ECT2: variants seen among roughly 807,000 people sequenced by gnomAD.
ECT2 encodes epithelial cell transforming 2, also known as protein ECT2.
In ECT2, 61 loss-of-function variants were observed where a neutral mutation model predicts 116.9. That is an observed-to-expected ratio of 0.52 (90% CI 0.42 to 0.65). ECT2 has a LOEUF of 0.65. Ranked by LOEUF, ECT2 falls within the 30% of genes least tolerant of loss-of-function variation. ECT2 has a pLI of 0.00. For missense variants in ECT2, 937 were observed against 1,078.7 expected, an observed-to-expected ratio of 0.87 and a Z score of 1.84; for synonymous variants, 358 against 346.4, an observed-to-expected ratio of 1.03 and a Z score of -0.37.
intron 20 of ECT2, among the ~76,000 whole-genome samples, chr3:172,803,233 AAATGC>A (rs1331307170): frequency 1.3e-5 from 2 of 152,200 alleles, no homozygotes; most frequent in Non-Finnish European, 2.9e-5. Flanking sequence ...CCATGCAAAT[AAATGC>A]TTAGGTCAAG....
At chr3:172,806,886 A>G (rs988035617) in intron 21 of ECT2, among the ~76,000 whole-genome samples, 1 of 151,532 alleles carries the variant, frequency 6.6e-6, no homozygotes, top group African/African-American at 2.4e-5. Flanking sequence ...CAAGTGATCC[A>G]CCCACTTCGG....
At chr3:172,780,617 G>C (rs1722528026) in intron 14 of ECT2, among the ~76,000 whole-genome samples, 1 of 152,128 alleles carries the variant, frequency 6.6e-6, no homozygotes, top group African/African-American at 2.4e-5. Flanking sequence ...GGTCTCAAGT[G>C]GTCCTCCCAC....
intron 22 of ECT2, among the ~76,000 whole-genome samples, chr3:172,812,777 A>T (rs1472432368): frequency 6.6e-6 from 1 of 152,184 alleles, no homozygotes; most frequent in African/African-American, 2.4e-5. Flanking sequence ...TCTTATGGAC[A>T]TAAGAAATTC....
chr3:172,777,131 C>G (rs1472102197), intron 14 of ECT2, among the ~76,000 whole-genome samples: 1 of 152,162 alleles, frequency 6.6e-6, no homozygotes, highest in Non-Finnish European at 1.5e-5. Flanking sequence ...CTCTGCCTCT[C>G]ACAGTGCTTA....
intron 18 of ECT2, among the ~76,000 whole-genome samples, chr3:172,793,454 A>G (rs1159583966): frequency 6.8e-6 from 1 of 146,396 alleles, no homozygotes; most frequent in African/African-American, 2.6e-5. Context: ...CGCCCAGCCT[A>G]TTTTTTACTT....
chr3:172,772,987 C>T (rs1011260369), intron 13 of ECT2, among the ~76,000 whole-genome samples: 1 of 152,170 alleles, frequency 6.6e-6, no homozygotes, highest in African/African-American at 2.4e-5. Flanking sequence ...CATGAATACC[C>T]ATACAGTCTA....
At chr3:172,825,728 G>C (rs1474786246), downstream of ECT2, among the ~76,000 whole-genome samples, 1 of 152,090 alleles carries the variant, frequency 6.6e-6, no homozygotes, top group African/African-American at 2.4e-5. Context: ...GGAAAGAAAT[G>C]GTCTCCAAAA....
intron 1 of ECT2, 79 bp from the exon 2 acceptor site, chr3:172,754,430 T>C: frequency 9.8e-7 from 1 of 1,024,562 alleles, no homozygotes; most frequent in South Asian, 1.9e-5. Context: ...TTATAAATTC[T>C]AGGTAAAAAG....
Position 172,815,628 on chromosome 3 carries a change from C to T in ECT2, c.2425C>T (p.Pro809Ser), listed in dbSNP as rs769468295. Residue 809 changes from proline (P) to serine (S), a missense_variant, in exon 23 of 25, where the codon CCA becomes TCA. Physicochemically the swap from Pro to Ser is moderately conservative, Grantham distance 74. Transcript: ENST00000392692. ...GGAGAATCTTATTTATACTGCTGAT[C>T]CAGAATCCTTTGAAGTAAATACAAA... is the stretch of plus-strand genomic sequence containing the variant. ...DAENLIYTAD[P>S]ESFEVNTKDM... The T allele has an allele frequency of 1.3e-6, 2 of 1,595,222 alleles. No individual in the cohort carries two copies. The highest frequency in any genetic ancestry group is 1.7e-6 in the Non-Finnish European group (2 of 1,170,458).
intron 14 of ECT2, 138 bp from the exon 15 acceptor site, chr3:172,782,025 T>G: frequency 2.4e-6 from 1 of 417,628 alleles, no homozygotes; most frequent in Admixed American, 4.4e-5. Context: ...AGAGAAAGAA[T>G]GGGATGTTCA....
intron 18 of ECT2, among the ~76,000 whole-genome samples, chr3:172,800,320 G>T (rs944165470): frequency 1.3e-5 from 2 of 152,190 alleles, no homozygotes; most frequent in East Asian, 3.8e-4. Flanking sequence ...AGTTGCTAAA[G>T]CAACCTGCTA....
At chr3:172,815,173 C>A (rs1328105797) in intron 22 of ECT2, among the ~76,000 whole-genome samples, 37 of 152,168 alleles carry the variant, frequency 2.4e-4, no homozygotes, top group Admixed American at 2.4e-3. Flanking sequence ...GGTTTAGAAC[C>A]TCTGATTTAG....
At chr3:172,792,284 T>C (rs981206203) in intron 18 of ECT2, among the ~76,000 whole-genome samples, 3 of 152,150 alleles carry the variant, frequency 2.0e-5, no homozygotes, top group South Asian at 2.1e-4. Context: ...AATGACATGA[T>C]AGACCTACTT....
intron 18 of ECT2, among the ~76,000 whole-genome samples, chr3:172,786,904 G>T (rs1723696959): frequency 6.6e-6 from 1 of 152,128 alleles, no homozygotes; most frequent in Non-Finnish European, 1.5e-5. Flanking sequence ...TTGCCCAAAT[G>T]TAACTTGAGA....
chr3:172,797,018 C>CTGTGTGTG (rs57188529), intron 18 of ECT2, among the ~76,000 whole-genome samples: 9,802 of 139,004 alleles, frequency 0.071, 511 homozygotes, highest in East Asian at 0.21. Context: ...TCAGGTTCAA[C>CTGTGTGTG]TGTGTGTGTG....
Position 172,757,098 on chromosome 3 carries a change from A to C in ECT2, c.419A>C (p.Asp140Ala). 6.2e-7 allele frequency: 1 copy of C among 1,610,270 alleles called. No homozygotes were observed. Among genetic ancestry groups the C allele is most frequent in the Non-Finnish European group, 8.5e-7 (1 of 1,178,650 alleles). ...VTDFQDSVFN[D>A]LYKADCRVIG... is the part of the protein sequence containing the mutation. ...GACTTTCAGGATTCTGTCTTTAATGACCTCTACAAGGCTGATTGTAGAGTT... is the reference window on the plus strand; with the variant it reads ...GACTTTCAGGATTCTGTCTTTAATGCCCTCTACAAGGCTGATTGTAGAGTT... Residue 140 changes from aspartate to alanine, a missense_variant, in exon 5 of 25, where the codon GAC becomes GCC. Coordinates refer to ENST00000392692, the MANE Select transcript of ECT2 (RefSeq NM_001258315.2).
Position 172,768,890 on chromosome 3 carries a change from G to A in ECT2, c.1292-117G>A, listed in dbSNP as rs1478492364. ...GAAAAAAATTTTTTATTGGAAATCTGTATGGTGGTACATTTATAAGAGTAG... is the reference window on the plus strand; with the variant it reads ...GAAAAAAATTTTTTATTGGAAATCTATATGGTGGTACATTTATAAGAGTAG... On this transcript the variant is annotated intron_variant, in intron 12 of 24. Coordinates refer to ENST00000392692, the MANE Select transcript of ECT2 (RefSeq NM_001258315.2). The A allele has an allele frequency of 1.2e-5, 15 of 1,201,986 alleles. No homozygotes were observed. The African/African-American group carries it at 2.0e-4, about 16-fold the overall frequency. The allele number at this position is 1,201,986 out of a possible 1,614,324, so 74.5% of individuals were successfully genotyped here.
intron 13 of ECT2, chr3:172,771,288 G>A (rs998886542): frequency 1.3e-5 from 2 of 152,178 alleles, no homozygotes; most frequent in Non-Finnish European, 2.9e-5. Context: ...TTTATCACCA[G>A]CATTTATAAA....
chr3:172,774,070 A>C (rs200377134), intron 14 of ECT2, 48 bp downstream of exon 14: 4 of 1,563,728 alleles, frequency 2.6e-6, no homozygotes, highest in Non-Finnish European at 3.5e-6. Flanking sequence ...CAGATTGTAC[A>C]TATTTATTAT....
Sources: gnomAD v4.1 joint callset for allele counts (sites outside exome capture counted in the v4.1 genomes callset) on GRCh38, gnomAD v4.1.1 for gene constraint, MANE v1.5 for transcripts, NCBI Gene and HGNC (gene_info 2026-07-23, HGNC 2026-07-21) for gene names.